Variants in TSHZ2 observed in about 807,000 individuals in gnomAD.
The protein encoded by TSHZ2 is teashirt homolog 2.
Under a neutral mutation model 74.4 loss-of-function variants are expected in TSHZ2, and 21 were observed. That is an observed-to-expected ratio of 0.28 (90% CI 0.20 to 0.41). The LOEUF is 0.41. Among genes scored for constraint, TSHZ2 ranks in the 10% least tolerant of loss-of-function variants. The probability of loss-of-function intolerance (pLI) is 1.00; values close to 1 mark genes in which losing one functional copy is unlikely to be tolerated. For missense variants in TSHZ2, 1,244 were observed against 1,293.5 expected (o/e 0.96, Z 0.59); for synonymous variants, 540 against 515.3 (o/e 1.05, Z -0.65).
chr20:53,473,391 G>A (rs1362864672), intron 2 of TSHZ2, among the ~76,000 whole-genome samples: 1 of 141,958 alleles, frequency 7.0e-6, no homozygotes, highest in Non-Finnish European at 1.5e-5. Flanking sequence ...CCCCCAGCAG[G>A]GGCACACTGA....
In TSHZ2 at chr20:53,253,568, G is replaced by T; in HGVS notation, c.110G>T (p.Gly37Val). ...GAAGAGGAGGAGGAGGAGGACAGCG[G>T]TTCAGTAGCTCAACTGCAGGGTGGC... is the stretch of plus-strand genomic sequence containing the variant. The part of the protein sequence containing the change: ...IKEEEEEEDS[G>V]SVAQLQGGND... Residue 37 changes from glycine (G) to valine (V), a missense_variant, in exon 2 of 3, where the codon GGT becomes GTT. Gly to Val is a moderately radical substitution (Grantham distance 109). Coordinates refer to ENST00000371497, the MANE Select transcript of TSHZ2 (RefSeq NM_173485.6). 6.2e-7 allele frequency: 1 copy of T among 1,613,968 alleles called. No individual in the cohort carries two copies. Among genetic ancestry groups the T allele is most frequent in the African/African-American group, 1.3e-5 (1 of 75,020 alleles).
intron 2 of TSHZ2, among the ~76,000 whole-genome samples, chr20:53,453,543 T>A (rs947202489): frequency 6.6e-6 from 1 of 152,188 alleles, no homozygotes; most frequent in South Asian, 2.1e-4. Flanking sequence ...CATCGTGTGA[T>A]TGTGTGTGGA....
chr20:53,459,824 T>G (rs1021742511), intron 2 of TSHZ2, among the ~76,000 whole-genome samples: 12 of 150,618 alleles, frequency 8.0e-5, no homozygotes, highest in African/African-American at 2.9e-4. Context: ...TGAAGCTTAG[T>G]TTGGCTGGAT....
chr20:53,292,447 A>ATTT (rs149635565), intron 2 of TSHZ2, among the ~76,000 whole-genome samples: 4,959 of 141,220 alleles, frequency 0.035, 314 homozygotes, highest in African/African-American at 0.12. Context: ...CAAACCACCT[A>ATTT]TTTTTTTTTT....
intron 1 of TSHZ2, among the ~76,000 whole-genome samples, chr20:53,188,388 A>G (rs898119415): frequency 1.3e-5 from 2 of 152,212 alleles, no homozygotes; most frequent in African/African-American, 4.8e-5. Flanking sequence ...TGTTCAGTGT[A>G]AAATCTACAT....
At chr20:52,978,015 C>A (rs1205326270) in intron 1 of TSHZ2, among the ~76,000 whole-genome samples, 1 of 152,186 alleles carries the variant, frequency 6.6e-6, no homozygotes, top group Non-Finnish European at 1.5e-5. Context: ...TGCTTAACAC[C>A]CAAGAAATAC....
chr20:53,436,200 A>G (rs368205734), intron 2 of TSHZ2, among the ~76,000 whole-genome samples: 1 of 152,206 alleles, frequency 6.6e-6, no homozygotes, highest in African/African-American at 2.4e-5. Flanking sequence ...TGACTCAAAG[A>G]GCAAGCTATG....
chr20:53,140,667 G>C (rs1036614688), intron 1 of TSHZ2, among the ~76,000 whole-genome samples: 1 of 151,962 alleles, frequency 6.6e-6, no homozygotes, highest in Non-Finnish European at 1.5e-5. Flanking sequence ...GCCTTGCCAG[G>C]TACCCAACCA....
chr20:53,358,802 T>C (rs540281033), intron 2 of TSHZ2, among the ~76,000 whole-genome samples: 17 of 152,332 alleles, frequency 1.1e-4, no homozygotes, highest in African/African-American at 3.1e-4. Context: ...TTGTGCCACT[T>C]GATGAAGCAA....
intron 1 of TSHZ2, among the ~76,000 whole-genome samples, chr20:52,987,647 AT>A (rs1218792431): frequency 2.6e-5 from 4 of 152,174 alleles, no homozygotes; most frequent in African/African-American, 9.7e-5. Flanking sequence ...ACAGAAAAAA[AT>A]ATAAGAAGGC....
intron 2 of TSHZ2, among the ~76,000 whole-genome samples, chr20:53,443,123 G>A (rs1009559563): frequency 5.9e-5 from 9 of 152,102 alleles, no homozygotes; most frequent in Admixed American, 3.3e-4. Flanking sequence ...CCAAAGAAGC[G>A]TCTTTACTGG....
chr20:53,391,446 T>G (rs1458345172), intron 2 of TSHZ2, among the ~76,000 whole-genome samples: 1 of 54,638 alleles, frequency 1.8e-5, no homozygotes, highest in African/African-American at 3.6e-5. Context: ...CACCAGGCCG[T>G]TTTTTTTGTT....
At chr20:53,086,036 T>C (rs1013947164) in intron 1 of TSHZ2, among the ~76,000 whole-genome samples, 8 of 152,190 alleles carry the variant, frequency 5.3e-5, no homozygotes, top group African/African-American at 1.4e-4. Flanking sequence ...TCTGCACCAA[T>C]CTCTTTGCAT....
At chr20:53,393,200 C>T (rs1982325207) in intron 2 of TSHZ2, among the ~76,000 whole-genome samples, 1 of 152,194 alleles carries the variant, frequency 6.6e-6, no homozygotes, top group Non-Finnish European at 1.5e-5. Flanking sequence ...TCTATTGTCT[C>T]CTTCTTTGTG....
chr20:53,325,285 G>T (rs1979442822), intron 2 of TSHZ2, among the ~76,000 whole-genome samples: 1 of 152,180 alleles, frequency 6.6e-6, no homozygotes, highest in African/African-American at 2.4e-5. Flanking sequence ...TGAGGGGAGG[G>T]CTTGATTTAA....
At chr20:53,248,478 T>A (rs1175647784) in intron 1 of TSHZ2, among the ~76,000 whole-genome samples, 1 of 152,194 alleles carries the variant, frequency 6.6e-6, no homozygotes, top group Non-Finnish European at 1.5e-5. Context: ...AAATGCAGCA[T>A]ATAAAATATT....
chr20:53,279,621 T>G (rs1470511885), intron 2 of TSHZ2, among the ~76,000 whole-genome samples: 1 of 152,252 alleles, frequency 6.6e-6, no homozygotes, highest in Non-Finnish European at 1.5e-5. Context: ...TTTATGTATT[T>G]TCTCATATCT....
chr20:53,370,909 A>G (rs1052758782), intron 2 of TSHZ2, among the ~76,000 whole-genome samples: 1 of 152,200 alleles, frequency 6.6e-6, no homozygotes, highest in African/African-American at 2.4e-5. Flanking sequence ...ATTCTCTCGC[A>G]GTTGTGGACG....
intron 2 of TSHZ2, among the ~76,000 whole-genome samples, chr20:53,361,843 G>A (rs1040073340): frequency 7.2e-5 from 11 of 152,180 alleles, no homozygotes; most frequent in African/African-American, 2.4e-4. Flanking sequence ...AACTCTCTGA[G>A]CCATGCACAC....
Sources: gnomAD v4.1 joint callset for allele counts (sites outside exome capture counted in the v4.1 genomes callset) on GRCh38, gnomAD v4.1.1 for gene constraint, MANE v1.5 for transcripts, NCBI Gene and HGNC (gene_info 2026-07-23, HGNC 2026-07-21) for gene names.